NPTX1: variants seen among roughly 807,000 people sequenced by gnomAD.
NPTX1 encodes the protein neuronal pentraxin-1.
Under a neutral mutation model 38.7 loss-of-function variants are expected in NPTX1, and 12 were observed. The observed-to-expected ratio is 0.31, with a 90% CI of 0.20 to 0.50. NPTX1 has a LOEUF of 0.50. NPTX1 is among the 20% of genes least tolerant of loss of function. The pLI is 0.98. For synonymous variants in NPTX1, 272 were observed against 264.9 expected (o/e 1.03, Z -0.26); for missense variants, 454 against 592.2 (o/e 0.77, Z 2.42).
chr17:80,468,951 T>C lies in NPTX1; in HGVS notation c.*1862A>G, dbSNP rs1176493806. On this transcript the variant is annotated 3_prime_UTR_variant, in exon 5 of 5. Coordinates refer to ENST00000306773, the MANE Select transcript of NPTX1 (RefSeq NM_002522.4). ...GCACGATTATCTAAGAAAAAGCCAC[T>C]GTTGAACAACAACGCGCAGCACGGC... 7 of 152,248 alleles carry C rather than the reference T, an allele frequency of 4.6e-5. No homozygotes were observed. The East Asian group carries it at 1.3e-3, about 29-fold the overall frequency. 9.4% of individuals were successfully genotyped at this position (152,248 alleles called of 1,614,324 possible).
chr17:80,476,068 C>T lies in NPTX1; in HGVS notation c.379G>A (p.Ala127Thr). 4 of 1,608,256 alleles carry T rather than the reference C, an allele frequency of 2.5e-6. No individual in the cohort carries two copies. Among genetic ancestry groups the T allele is most frequent in the Non-Finnish European group, 3.4e-6 (4 of 1,178,402 alleles). Reference sequence around the variant, plus strand: ...TGCCCGAGTTGGCTGAGCGTCTCGGCGGCCGGTGTCCGGGACAGGTCGCCC... The same window carrying T: ...TGCCCGAGTTGGCTGAGCGTCTCGGTGGCCGGTGTCCGGGACAGGTCGCCC... ...TMGDLSRTPA[A>T]ETLSQLGQTL... is the part of the protein sequence containing the mutation. Residue 127 changes from alanine to threonine, a missense_variant, in exon 1 of 5, where the codon GCC becomes ACC. Transcript: ENST00000306773. The surrounding 1 kb of genome is among the most constrained non-coding windows in gnomAD (Gnocchi z 6.3).
At position 80,476,361 on chromosome 17, in the gene NPTX1, C is replaced by G. The variant is rs1317891638; in HGVS notation, c.86G>C (p.Arg29Pro). The G allele has an allele frequency of 6.6e-6, 10 of 1,526,010 alleles. No homozygotes were observed. The highest frequency in any genetic ancestry group is 8.7e-6 in the Non-Finnish European group (10 of 1,143,094). The allele number at this position is 1,526,010 out of a possible 1,614,324, so 94.5% of individuals were successfully genotyped here. Residue 29 changes from arginine (R) to proline (P), a missense_variant, in exon 1 of 5, where the codon CGC (arginine) becomes CCC (proline). Around this residue, in one of 4 missense-constraint regions of NPTX1, gnomAD observed 288 missense variants for 318.4 expected, o/e 0.90. Transcript: ENST00000306773. The surrounding 1 kb of genome is among the most constrained non-coding windows in gnomAD (Gnocchi z 6.3). Reference sequence around the variant, plus strand: ...CACGGGCACCGAGGTGCAGATGAAGCGCGTCGGCCCGAAATCCTGGGCCCC... The same window carrying G: ...CACGGGCACCGAGGTGCAGATGAAGGGCGTCGGCCCGAAATCCTGGGCCCC... ...GAGAQDFGPT[R>P]FICTSVPVDA...
rs1268889213 is a variant in NPTX1 at position 80,468,978 on chromosome 17, C to T, written c.*1835G>A. On this transcript the variant is annotated 3_prime_UTR_variant, in exon 5 of 5. Transcript: ENST00000306773. Reference sequence around the variant, plus strand: ...TTGAACAACAACGCGCAGCACGGCGCCTGATCTGCACCCCCCTCTGCGGGA... The same window carrying T: ...TTGAACAACAACGCGCAGCACGGCGTCTGATCTGCACCCCCCTCTGCGGGA... The T allele has an allele frequency of 6.6e-6, 1 of 152,312 alleles. No homozygotes were observed. Among genetic ancestry groups the T allele is most frequent in the Non-Finnish European group, 1.5e-5 (1 of 68,072 alleles). 9.4% of individuals were successfully genotyped at this position (152,312 alleles called of 1,614,324 possible). A position where few individuals can be genotyped will look rare whatever the true frequency, so the allele number is the denominator to read the frequency against.
rs1353244792 is a variant in NPTX1 at position 80,476,603 on chromosome 17, C to G, written c.-157G>C. 4.8e-6 allele frequency: 1 copy of G among 210,390 alleles called. No homozygotes were observed. The highest frequency in any genetic ancestry group is 1.7e-4 in the South Asian group (1 of 5,912). 13.0% of individuals were successfully genotyped at this position (210,390 alleles called of 1,614,324 possible). A position where few individuals can be genotyped will look rare whatever the true frequency, so the allele number is the denominator to read the frequency against. ...ACACCGCCGCGCTATCAGGCCCCCA[C>G]TGCCGCCTGCGCTGCGGAGCCCGCG... On this transcript the variant is annotated 5_prime_UTR_variant, in exon 1 of 5. Coordinates refer to ENST00000306773, the MANE Select transcript of NPTX1 (RefSeq NM_002522.4). The surrounding 1 kb of genome is among the most constrained non-coding windows in gnomAD (Gnocchi z 6.3).
rs2083875394 is a variant in NPTX1 at position 80,475,574 on chromosome 17, C to G, written c.589G>C (p.Glu197Gln). 2 of 1,612,950 alleles carry G rather than the reference C, an allele frequency of 1.2e-6. No individual in the cohort carries two copies. The highest frequency in any genetic ancestry group is 4.5e-5 in the East Asian group (2 of 44,864). ...AGGGCGGTCTCGATCTTGACCCTCT[C>G]CTCGGTGTCGTTCCTGGGGCCCCCC... ...GKGGPRNDTEERVKIETALTS... is the reference protein window; with the variant it reads ...GKGGPRNDTEQRVKIETALTS... The change falls in exon 2 of 5, where the codon GAG becomes CAG. Residue 197 changes from glutamate (E) to glutamine (Q), a missense_variant. Physicochemically the swap from Glu to Gln is conservative, Grantham distance 29. Transcript: ENST00000306773. This position sits in a 1 kb window ranked among gnomAD's most constrained non-coding sequence, Gnocchi z 6.5.
In NPTX1 at chr17:80,467,489, T is replaced by C. The variant is rs2083812764; in HGVS notation, c.*3324A>G. On this transcript the variant is annotated 3_prime_UTR_variant, in exon 5 of 5. Transcript: ENST00000306773. The stretch of plus-strand genomic sequence containing the variant: ...CAGGTTCACCATAAATGGCCAGTTT[T>C]ACCTCCTGGTCCCCAACATGCTTTT... The C allele has an allele frequency of 2.6e-5, 4 of 152,594 alleles. No individual in the cohort carries two copies. Among genetic ancestry groups the C allele is most frequent in the Admixed American group, 2.6e-4 (4 of 15,284 alleles). 9.5% of individuals were successfully genotyped at this position (152,594 alleles called of 1,614,324 possible). A position where few individuals can be genotyped will look rare whatever the true frequency, so the allele number is the denominator to read the frequency against.
At chr17:80,471,060 G>A in intron 4 of NPTX1, 26 bp from the exon 5 acceptor site, 15 of 1,549,354 alleles carry the variant, frequency 9.7e-6, no homozygotes, top group East Asian at 2.3e-5. Context: ...GAGGATGAGA[G>A]TGGAGGGGTC....
chr17:80,470,507 G>T lies in NPTX1; in HGVS notation c.*306C>A. 1 of 263,380 alleles carries T rather than the reference G, an allele frequency of 3.8e-6. No homozygotes were observed. Among genetic ancestry groups the T allele is most frequent in the Non-Finnish European group, 7.4e-6 (1 of 135,960 alleles). The allele number at this position is 263,380 out of a possible 1,614,324, so 16.3% of individuals were successfully genotyped here. On this transcript the variant is annotated 3_prime_UTR_variant, in exon 5 of 5. Transcript: ENST00000306773. ...CACGTAGACACACACATGTAGACAC[G>T]CACACACAGATCCTCTCACCAACTT...
chr17:80,472,367 C>A (rs913208040), intron 3 of NPTX1, among the ~76,000 whole-genome samples: 21 of 152,234 alleles, frequency 1.4e-4, no homozygotes, highest in African/African-American at 5.1e-4. Context: ...TACAACACGG[C>A]AAGCTTTTGC....
In NPTX1 at chr17:80,475,240, G is replaced by A. The variant is rs1229062070; in HGVS notation, c.652+271C>T. ...CAGACTTGAAAAATCCAGCGAGTGT[G>A]TGAGTGTGTCTGGATGGGGGAGGGG... On this transcript the variant is annotated intron_variant, in intron 2 of 4. Transcript: ENST00000306773. The surrounding 1 kb of genome is among the most constrained non-coding windows in gnomAD (Gnocchi z 6.5). Among the ~76,000 whole-genome samples the A allele has an allele frequency of 2.6e-5, 4 of 152,180 alleles. No individual in the cohort carries two copies. The highest frequency in any genetic ancestry group is 6.5e-5 in the Admixed American group (1 of 15,276).
chr17:80,471,240 C>T (rs758679068), intron 4 of NPTX1, among the ~76,000 whole-genome samples: 5 of 152,120 alleles, frequency 3.3e-5, no homozygotes, highest in East Asian at 1.9e-4. Context: ...GGGATGGCAC[C>T]GACCACCTCT....
At position 80,469,546 on chromosome 17, in the gene NPTX1, G is replaced by A. The variant is rs2083826844; in HGVS notation, c.*1267C>T. 1 of 152,284 alleles carries A rather than the reference G, an allele frequency of 6.6e-6. No individual in the cohort carries two copies. The highest frequency in any genetic ancestry group is 1.5e-5 in the Non-Finnish European group (1 of 68,068). The allele number at this position is 152,284 out of a possible 1,614,324, so 9.4% of individuals were successfully genotyped here. A position where few individuals can be genotyped will look rare whatever the true frequency, so the allele number is the denominator to read the frequency against. On this transcript the variant is annotated 3_prime_UTR_variant, in exon 5 of 5. Transcript: ENST00000306773. ...TGTCGCCGGCCAGTGGCAGCTTGTG[G>A]GCTGCTGTAGGCCGTGAGCCCCATG... is the stretch of plus-strand genomic sequence containing the variant.
In NPTX1 at chr17:80,470,810, T is replaced by G. The variant is rs758194044; in HGVS notation, c.*3A>C. On this transcript the variant is annotated 3_prime_UTR_variant, in exon 5 of 5. Coordinates refer to ENST00000306773, the MANE Select transcript of NPTX1 (RefSeq NM_002522.4). ...CGGGCGGGCTCAGCCTGGCCTGCCG[T>G]GCTCAGTTGATCTGGCGACAGGCCT... 1.9e-6 allele frequency: 3 copies of G among 1,579,126 alleles called. No individual in the cohort carries two copies. In the African/African-American group the frequency reaches 4.0e-5, roughly 21 times the overall value.
rs2083815982 is a variant in NPTX1, at chr17:80,468,051, C to T, written c.*2762G>A. The T allele has an allele frequency of 6.6e-6, 1 of 152,634 alleles. No homozygotes were observed. The highest frequency in any genetic ancestry group is 1.5e-5 in the Non-Finnish European group (1 of 68,044). The allele number at this position is 152,634 out of a possible 1,614,324, so 9.5% of individuals were successfully genotyped here. On this transcript the variant is annotated 3_prime_UTR_variant, in exon 5 of 5. Coordinates refer to ENST00000306773, the MANE Select transcript of NPTX1 (RefSeq NM_002522.4). ...CTTCTTGTTTTATAAAATGGCTTAC[C>T]TGAGAGAGGCATGTATTATTCAGTG...
In NPTX1 at chr17:80,476,542, G is replaced by A; in HGVS notation, c.-96C>T. The stretch of plus-strand genomic sequence containing the variant: ...CGGGCTGTGGCTCCGCGAGCGGCCC[G>A]CGCTCTGGGCGCCGCGCTCTTCGGC... On this transcript the variant is annotated 5_prime_UTR_variant, in exon 1 of 5. Coordinates refer to ENST00000306773, the MANE Select transcript of NPTX1 (RefSeq NM_002522.4). This position sits in a 1 kb window ranked among gnomAD's most constrained non-coding sequence, Gnocchi z 6.3. 1 of 595,928 alleles carries A rather than the reference G, an allele frequency of 1.7e-6. No homozygotes were observed. Among genetic ancestry groups the A allele is most frequent in the Middle Eastern group, 8.2e-4 (1 of 1,224 alleles). The allele number at this position is 595,928 out of a possible 1,614,324, so 36.9% of individuals were successfully genotyped here. A position where few individuals can be genotyped will look rare whatever the true frequency, so the allele number is the denominator to read the frequency against.
chr17:80,473,792 C>A (rs2083856738), intron 2 of NPTX1: 1 of 303,100 alleles, frequency 3.3e-6, no homozygotes, highest in Admixed American at 4.8e-5. Context: ...AGCCGCCAAG[C>A]CAAGTCAACC....
Position 80,470,740 on chromosome 17 carries a change from G to A in NPTX1, c.*73C>T. On this transcript the variant is annotated 3_prime_UTR_variant, in exon 5 of 5. Coordinates refer to ENST00000306773, the MANE Select transcript of NPTX1 (RefSeq NM_002522.4). ...TCATTCCTGGGGAAAAGGGAGAGAA[G>A]AGACGCACAAAACAGATCATCGCCG... 1 of 1,053,672 alleles carries A rather than the reference G, an allele frequency of 9.5e-7. No individual in the cohort carries two copies. The highest frequency in any genetic ancestry group is 1.4e-6 in the Non-Finnish European group (1 of 715,378). The allele number at this position is 1,053,672 out of a possible 1,614,324, so 65.3% of individuals were successfully genotyped here. A position where few individuals can be genotyped will look rare whatever the true frequency, so the allele number is the denominator to read the frequency against.
At position 80,470,768 on chromosome 17, in the gene NPTX1, C is replaced by T. The variant is rs779630964; in HGVS notation, c.*45G>A. The T allele has an allele frequency of 3.0e-6, 4 of 1,331,458 alleles. No homozygotes were observed. Among genetic ancestry groups the T allele is most frequent in the African/African-American group, 1.4e-5 (1 of 69,456 alleles). 82.5% of individuals were successfully genotyped at this position (1,331,458 alleles called of 1,614,324 possible). On this transcript the variant is annotated 3_prime_UTR_variant, in exon 5 of 5. Coordinates refer to ENST00000306773, the MANE Select transcript of NPTX1 (RefSeq NM_002522.4). Reference sequence around the variant, plus strand: ...ACGCACAAAACAGATCATCGCCGCACAAGCAGGGGGCGAGGGCGGGCGGGC... The same window carrying T: ...ACGCACAAAACAGATCATCGCCGCATAAGCAGGGGGCGAGGGCGGGCGGGC...
rs151181135 is a variant in NPTX1, at chr17:80,470,755, G to A, written c.*58C>T. The A allele has an allele frequency of 9.9e-6, 12 of 1,209,514 alleles. No homozygotes were observed. Among genetic ancestry groups the A allele is most frequent in the Non-Finnish European group, 1.4e-5 (12 of 848,162 alleles). The allele number at this position is 1,209,514 out of a possible 1,614,324, so 74.9% of individuals were successfully genotyped here. A position where few individuals can be genotyped will look rare whatever the true frequency, so the allele number is the denominator to read the frequency against. On this transcript the variant is annotated 3_prime_UTR_variant, in exon 5 of 5. Transcript: ENST00000306773. ...AGGGAGAGAAGAGACGCACAAAACA[G>A]ATCATCGCCGCACAAGCAGGGGGCG...
Sources: gnomAD v4.1 joint callset for allele counts (sites outside exome capture counted in the v4.1 genomes callset) on GRCh38, gnomAD v4.1.1 for gene constraint, gnomAD v4.1.1 regional missense constraint, Gnocchi (gnomAD v3.1) non-coding constraint, MANE v1.5 for transcripts, NCBI Gene and HGNC (gene_info 2026-07-23, HGNC 2026-07-21) for gene names.